TUB: variants seen among roughly 807,000 people sequenced by gnomAD.
TUB encodes the protein tubby protein homolog.
TUB carries 33 observed loss-of-function variants against 59.7 expected under a neutral mutation model. The ratio of observed to expected loss-of-function variants is 0.55; its 90% CI spans 0.42 to 0.74. The LOEUF is 0.74. Ranked by LOEUF, TUB falls within the 30% of genes least tolerant of loss-of-function variation. The pLI is 0.00. For synonymous variants in TUB, 293 were observed against 256.4 expected, an observed-to-expected ratio of 1.14 and a Z score of -1.36; for missense variants, 659 against 672.0, an observed-to-expected ratio of 0.98 and a Z score of 0.21.
In TUB at chr11:8,097,717, T is replaced by A; in HGVS notation, c.889T>A (p.Phe297Ile). The A allele has an allele frequency of 6.2e-7, 1 of 1,612,918 alleles. No individual in the cohort carries two copies. Among genetic ancestry groups the A allele is most frequent in the South Asian group, 1.1e-5 (1 of 90,934 alleles). Residue 297 changes from phenylalanine (F) to isoleucine (I), a missense_variant, in exon 8 of 12, where the codon TTC becomes ATC. Phe to Ile is a conservative substitution (Grantham distance 21). Transcript: ENST00000299506. ...TGACCTCATTCCACTCCCCAAGGTG[T>A]TCCTCCTGGCGGGAAGGAAGAGAAA... Reference protein sequence around the residue: ...HLDREDGKKVFLLAGRKRKKS... With the variant: ...HLDREDGKKVILLAGRKRKKS...
intron 9 of TUB, 49 bp downstream of exon 9, chr11:8,098,924 C>T: frequency 1.4e-6 from 2 of 1,382,302 alleles, no homozygotes; most frequent in African/African-American, 1.4e-5. Context: ...GATATGAAAT[C>T]CAGGACTTGA....
chr11:8,079,367 C>T (rs4237763), upstream of TUB, among the ~76,000 whole-genome samples: 66,339 of 151,878 alleles, frequency 0.44, 16,463 homozygotes, highest in Middle Eastern at 0.59. Flanking sequence ...TGCTGCTCTG[C>T]TGCGGTCTCC....
At chr11:8,053,301 A>G (rs1942963040) in intron 2 of TUB, among the ~76,000 whole-genome samples, 1 of 152,070 alleles carries the variant, frequency 6.6e-6, no homozygotes, top group Non-Finnish European at 1.5e-5. Context: ...TTAATCTTTT[A>G]TTGAGAATGC....
At chr11:8,055,222 TGC>T (rs1258461649) in intron 2 of TUB, among the ~76,000 whole-genome samples, 4 of 151,612 alleles carry the variant, frequency 2.6e-5, no homozygotes, top group Non-Finnish European at 4.4e-5. Flanking sequence ...CCTGTGTGTG[TGC>T]GTGTGTGAGA....
At chr11:8,022,269 A>G (rs1300328465) in intron 1 of TUB, among the ~76,000 whole-genome samples, 1 of 152,234 alleles carries the variant, frequency 6.6e-6, no homozygotes, top group Non-Finnish European at 1.5e-5. Context: ...TACTCAATCA[A>G]GCTGTTAAAA....
chr11:8,096,460 C>T (rs1317935288), intron 5 of TUB, among the ~76,000 whole-genome samples: 1 of 152,096 alleles, frequency 6.6e-6, no homozygotes, highest in Non-Finnish European at 1.5e-5. Context: ...GTGGCCAGCC[C>T]CGGCTCATGT....
At chr11:8,099,671 A>T (rs1108277) in intron 9 of TUB, among the ~76,000 whole-genome samples, 17 of 152,206 alleles carry the variant, frequency 1.1e-4, no homozygotes, top group Non-Finnish European at 1.9e-4. Flanking sequence ...CAGTGAAGTA[A>T]GTATGTTCTT....
At chr11:8,061,678 T>G (rs547199165) in intron 2 of TUB, among the ~76,000 whole-genome samples, 80 of 152,132 alleles carry the variant, frequency 5.3e-4, no homozygotes, top group Non-Finnish European at 1.0e-3. Flanking sequence ...CACTGGACCC[T>G]CCTATTGCCT....
chr11:8,039,689 C>A, exon 2 of TUB: 1 of 1,533,814 alleles, frequency 6.5e-7, no homozygotes, highest in Non-Finnish European at 8.8e-7. Context: ...AGGGAGATCG[C>A]TCGGTGAGCT....
intron 1 of TUB, among the ~76,000 whole-genome samples, chr11:8,029,736 G>A (rs1942545136): frequency 6.6e-6 from 1 of 152,202 alleles, no homozygotes; most frequent in South Asian, 2.1e-4. Context: ...TATGACCTAT[G>A]GCCTCGGTGT....
intron 1 of TUB, among the ~76,000 whole-genome samples, chr11:8,086,067 T>C (rs1419897933): frequency 6.6e-6 from 1 of 152,156 alleles, no homozygotes; most frequent in African/African-American, 2.4e-5. Flanking sequence ...AGCCTCCCTG[T>C]TCAGGCCCCC....
chr11:8,084,014 CAG>C (rs892336976), intron 1 of TUB, among the ~76,000 whole-genome samples: 4 of 152,288 alleles, frequency 2.6e-5, no homozygotes, highest in Admixed American at 2.6e-4. Context: ...GGGCAGAAGA[CAG>C]ACAAAGCATT....
At chr11:8,033,060 A>C (rs1942598437) in intron 1 of TUB, among the ~76,000 whole-genome samples, 2 of 152,236 alleles carry the variant, frequency 1.3e-5, no homozygotes, top group African/African-American at 2.4e-5. Context: ...ACCCTGCCGA[A>C]CAGATAATTA....
rs1944384589 is a variant in TUB, at chr11:8,103,279, G to C, written c.*1660G>C. On this transcript the variant is annotated 3_prime_UTR_variant, in exon 12 of 12. Transcript: ENST00000299506. ...TGTAAGCTCAAGCTTTTGCTCATTTGTCATTTACCCTGGTGGAGGCTTCTT... is the reference window on the plus strand; with the variant it reads ...TGTAAGCTCAAGCTTTTGCTCATTTCTCATTTACCCTGGTGGAGGCTTCTT... The C allele has an allele frequency of 6.6e-6, 1 of 152,192 alleles. No individual in the cohort carries two copies. The highest frequency in any genetic ancestry group is 2.1e-4 in the South Asian group (1 of 4,826). The allele number at this position is 152,192 out of a possible 1,614,324, so 9.4% of individuals were successfully genotyped here.
intron 10 of TUB, 96 bp from the exon 11 acceptor site, chr11:8,100,730 G>A: frequency 1.9e-6 from 3 of 1,570,132 alleles, no homozygotes; most frequent in Non-Finnish European, 2.6e-6. Context: ...GAGGTCTAGG[G>A]AAATCCAAGG....
At chr11:8,098,105 C>T (rs574982134) in intron 8 of TUB, among the ~76,000 whole-genome samples, 150 of 152,080 alleles carry the variant, frequency 9.9e-4, no homozygotes, top group Non-Finnish European at 1.8e-3. Flanking sequence ...TCACTGATAA[C>T]GCAGGCCACC....
chr11:8,056,143 C>G (rs1026916166), intron 2 of TUB, among the ~76,000 whole-genome samples: 1 of 152,208 alleles, frequency 6.6e-6, no homozygotes, highest in Non-Finnish European at 1.5e-5. Context: ...TCTCAGCTCT[C>G]TGAAGTCCTC....
At chr11:8,085,229 T>C (rs902516523) in intron 1 of TUB, among the ~76,000 whole-genome samples, 19 of 152,378 alleles carry the variant, frequency 1.2e-4, no homozygotes, top group African/African-American at 3.1e-4. Flanking sequence ...TTTGCATGGC[T>C]GAGCATTAGA....
intron 2 of TUB, among the ~76,000 whole-genome samples, chr11:8,059,546 G>A (rs1943082504): frequency 6.6e-6 from 1 of 152,108 alleles, no homozygotes; most frequent in African/African-American, 2.4e-5. Flanking sequence ...AGGTACCCAA[G>A]GGCACACTGG....
Sources: gnomAD v4.1 joint callset for allele counts (sites outside exome capture counted in the v4.1 genomes callset) on GRCh38, gnomAD v4.1.1 for gene constraint, MANE v1.5 for transcripts, NCBI Gene and HGNC (gene_info 2026-07-23, HGNC 2026-07-21) for gene names.